NEK1: variants seen among roughly 807,000 people sequenced by gnomAD.
The protein encoded by NEK1 is NIMA related kinase 1.
A neutral mutation model predicts 182.1 loss-of-function variants in NEK1; 137 were observed. The observed-to-expected ratio is 0.75, with a 90% CI of 0.65 to 0.87. The LOEUF (loss-of-function observed/expected upper bound fraction) is 0.87. NEK1 is among the 40% of genes least tolerant of loss of function. The probability of loss-of-function intolerance (pLI) is 0.00; values close to 1 mark genes in which losing one functional copy is unlikely to be tolerated. For synonymous variants in NEK1, 513 were observed against 492.2 expected (o/e 1.04, Z -0.56); for missense variants, 1,391 against 1,494.4 (o/e 0.93, Z 1.14).
intron 26 of NEK1, among the ~76,000 whole-genome samples, chr4:169,468,719 G>T (rs1745375955): frequency 6.6e-6 from 1 of 152,178 alleles, no homozygotes. Context: ...ACCTCTGGTA[G>T]AATTCGGCTG....
At chr4:169,549,633 G>C (rs1287219814) in intron 18 of NEK1, among the ~76,000 whole-genome samples, 1 of 152,142 alleles carries the variant, frequency 6.6e-6, no homozygotes, top group African/African-American at 2.4e-5. Flanking sequence ...ACGTTGGCCA[G>C]GCTAGTCTTG....
chr4:169,473,852 C>T (rs1355785054), intron 26 of NEK1, among the ~76,000 whole-genome samples: 1 of 151,886 alleles, frequency 6.6e-6, no homozygotes, highest in African/African-American at 2.4e-5. Flanking sequence ...TCCAGGATGT[C>T]GAAGCTGTAA....
intron 12 of NEK1, among the ~76,000 whole-genome samples, chr4:169,568,760 C>A (rs1389126370): frequency 2.0e-5 from 3 of 151,838 alleles, no homozygotes; most frequent in Non-Finnish European, 4.4e-5. Flanking sequence ...CATGGTGAAA[C>A]CCCATCTCTA....
chr4:169,489,738 G>A (rs1229220615), intron 23 of NEK1, among the ~76,000 whole-genome samples: 1 of 152,014 alleles, frequency 6.6e-6, no homozygotes, highest in African/African-American at 2.4e-5. Flanking sequence ...TGCTCCCTAG[G>A]GTCCAAGCCT....
rs1052644417 is a variant in NEK1, at chr4:169,507,086, C to T, written c.1958G>A (p.Arg653Gln). 12 of 1,608,832 alleles carry T rather than the reference C, an allele frequency of 7.5e-6. No individual in the cohort carries two copies. The highest frequency in any genetic ancestry group is 5.0e-5 in the Admixed American group (3 of 59,786). ...TCTCTCATAAGCCTCCTTTCTCTTT[C>T]GTTCTAGTTGTTCTTTTAGTACAGC... Reference protein sequence around the residue: ...RAAVLKEQLERKRKEAYEREK... With the variant: ...RAAVLKEQLEQKRKEAYEREK... Residue 653 changes from arginine (R) to glutamine (Q), a missense_variant, in exon 23 of 36, where the codon CGA (arginine) becomes CAA (glutamine). Physicochemically the swap from Arg to Gln is conservative, Grantham distance 43. This residue lies in a region of NEK1 where 1,216 missense variants were observed against 1,277.6 expected (regional missense o/e 0.95). Transcript: ENST00000507142.
At chr4:169,434,450 T>G (rs1738023339) in intron 28 of NEK1, among the ~76,000 whole-genome samples, 1 of 152,228 alleles carries the variant, frequency 6.6e-6, no homozygotes, top group Non-Finnish European at 1.5e-5. Context: ...CGACCTCAAG[T>G]GATCCACCTG....
chr4:169,588,728 C>T lies in NEK1; in HGVS notation c.472G>A (p.Glu158Lys), dbSNP rs1767930640. The change falls in exon 8 of 36, where the codon GAG becomes AAG. Residue 158 changes from glutamate to lysine, a missense_variant. By Grantham distance (56) the Glu-to-Lys change is moderately conservative. This residue lies in a region of NEK1 where 116 missense variants were observed against 114.5 expected (regional missense o/e 1.01). Coordinates refer to ENST00000507142, the MANE Select transcript of NEK1 (RefSeq NM_001199397.3). The stretch of plus-strand genomic sequence containing the variant: ...GTCCCTATGCAAGTTCGAGCCAGCT[C>T]TACAGTACTAGAAGAAAAATAAAAT... ...GIARVLNSTV[E>K]LARTCIGTPY... The T allele has an allele frequency of 1.3e-6, 2 of 1,541,016 alleles. No individual in the cohort carries two copies. Among genetic ancestry groups the T allele is most frequent in the Non-Finnish European group, 1.8e-6 (2 of 1,137,502 alleles).
intron 24 of NEK1, 101 bp downstream of exon 24, chr4:169,479,298 GAAAA>G: frequency 9.9e-6 from 12 of 1,214,826 alleles, no homozygotes; most frequent in Middle Eastern, 2.1e-4. Flanking sequence ...TTTTTCCTTA[GAAAA>G]ACCTGAAAGG....
At chr4:169,530,085 A>G (rs1440094380) in intron 19 of NEK1, among the ~76,000 whole-genome samples, 1 of 152,252 alleles carries the variant, frequency 6.6e-6, no homozygotes, top group Non-Finnish European at 1.5e-5. Context: ...AGCTCTATTC[A>G]TAATTACCAA....
At chr4:169,411,288 T>A (rs1733631529) in intron 31 of NEK1, among the ~76,000 whole-genome samples, 1 of 134,844 alleles carries the variant, frequency 7.4e-6, no homozygotes, top group Non-Finnish European at 1.5e-5. Context: ...CTGACTCTAT[T>A]TTTTTTTTTT....
intron 31 of NEK1, among the ~76,000 whole-genome samples, chr4:169,418,125 C>A (rs999368373): frequency 4.6e-5 from 7 of 152,044 alleles, no homozygotes; most frequent in Admixed American, 2.0e-4. Flanking sequence ...TCAAACTGAC[C>A]GGGAGGGAGG....
intron 19 of NEK1, among the ~76,000 whole-genome samples, chr4:169,524,957 C>T (rs757100807): frequency 4.6e-5 from 7 of 152,090 alleles, no homozygotes; most frequent in Non-Finnish European, 8.8e-5. Context: ...AGCAAAGCCA[C>T]GAATGCTTAC....
At chr4:169,469,418 GT>G (rs1173123523) in intron 26 of NEK1, among the ~76,000 whole-genome samples, 1 of 152,150 alleles carries the variant, frequency 6.6e-6, no homozygotes, top group Non-Finnish European at 1.5e-5. Flanking sequence ...TTTCCATGTA[GT>G]TGTGAGGTTT....
intron 31 of NEK1, among the ~76,000 whole-genome samples, chr4:169,412,836 C>T (rs184988210): frequency 5.4e-4 from 75 of 138,682 alleles, no homozygotes; most frequent in African/African-American, 1.9e-3. Context: ...GGCTTATCTA[C>T]GTTTCAGGAG....
chr4:169,451,179 T>C (rs1741682451), intron 27 of NEK1, among the ~76,000 whole-genome samples: 1 of 152,016 alleles, frequency 6.6e-6, no homozygotes, highest in South Asian at 2.1e-4. Context: ...TCCCACACAA[T>C]AATAATGGGA....
Position 169,463,334 on chromosome 4 carries a change from C to T in NEK1, c.2496G>A (p.Gly832=). ...TTAGAACAGAATCTGTCGGACTTTT[C>T]CCCCAGGCTCTTCTTGGAGATCCAT... The part of the protein sequence containing the change: ...GPNGSPRRAW[G]KSPTDSVLKI... The change falls in exon 27 of 36, where the codon GGG becomes GGA. Residue 832 remains glycine (G), a synonymous_variant. Coordinates refer to ENST00000507142, the MANE Select transcript of NEK1 (RefSeq NM_001199397.3). The T allele has an allele frequency of 1.2e-6, 2 of 1,610,112 alleles. No homozygotes were observed. The highest frequency in any genetic ancestry group is 1.1e-5 in the South Asian group (1 of 90,568).
intron 21 of NEK1, 88 bp downstream of exon 21, chr4:169,508,160 T>C (rs1386887904): frequency 1.8e-6 from 2 of 1,132,958 alleles, no homozygotes; most frequent in Non-Finnish European, 2.5e-6. Flanking sequence ...TTGTTGTTGT[T>C]GTCGTTGTTG....
chr4:169,596,669 G>GT (rs1769545877), intron 5 of NEK1, among the ~76,000 whole-genome samples: 1 of 152,154 alleles, frequency 6.6e-6, no homozygotes, highest in Admixed American at 6.5e-5. Flanking sequence ...AGGTCTTCCT[G>GT]TTCCCCACTT....
chr4:169,593,547 A>T (rs115093409), intron 5 of NEK1, among the ~76,000 whole-genome samples: 1,823 of 152,316 alleles, frequency 0.012, 32 homozygotes, highest in African/African-American at 0.041. Context: ...GTTTTGATGG[A>T]ATATGTAAGC....
Sources: allele counts gnomAD v4.1 joint callset (sites outside exome capture counted in the v4.1 genomes callset), GRCh38; gene constraint gnomAD v4.1.1; regional missense constraint gnomAD v4.1.1; transcripts MANE v1.5; gene names NCBI Gene and HGNC (gene_info 2026-07-23, HGNC 2026-07-21).